The following ADGRB3 variants were observed in gnomAD, a reference collection of about 807,000 sequenced individuals.
ADGRB3 encodes adhesion G protein-coupled receptor B3, also known as brain-specific angiogenesis inhibitor 3.
ADGRB3 carries 37 observed loss-of-function variants against 193.4 expected under a neutral mutation model. The observed-to-expected ratio is 0.19, with a 90% confidence interval of 0.15 to 0.25. The LOEUF (loss-of-function observed/expected upper bound fraction) is 0.25. Ranked by LOEUF, ADGRB3 falls within the 10% of genes least tolerant of loss-of-function variation. ADGRB3 has a pLI of 1.00. For synonymous variants in ADGRB3, 690 were observed against 644.2 expected (o/e 1.07, Z -1.08); for missense variants, 1,637 against 1,852.9 (o/e 0.88, Z 2.14).
At chr6:68,705,275 G>A (rs1375952443) in intron 3 of ADGRB3, among the ~76,000 whole-genome samples, 1 of 152,182 alleles carries the variant, frequency 6.6e-6, no homozygotes, top group Non-Finnish European at 1.5e-5. Flanking sequence ...CTCAAAGAGT[G>A]TAGGGACTGT....
chr6:68,982,165 G>C (rs1768937125), intron 10 of ADGRB3, among the ~76,000 whole-genome samples: 1 of 151,956 alleles, frequency 6.6e-6, no homozygotes. Flanking sequence ...ATAACTCTAA[G>C]ATCTGCATAA....
intron 17 of ADGRB3, among the ~76,000 whole-genome samples, chr6:69,121,254 T>C (rs920325067): frequency 3.3e-5 from 5 of 152,078 alleles, no homozygotes; most frequent in African/African-American, 9.7e-5. Flanking sequence ...AAAGCACATC[T>C]TGCACCGCCC....
chr6:68,790,268 G>T (rs1002526125), intron 3 of ADGRB3, among the ~76,000 whole-genome samples: 1 of 152,130 alleles, frequency 6.6e-6, no homozygotes, highest in African/African-American at 2.4e-5. Flanking sequence ...TGGGGGAGGG[G>T]TGCCCGCCAT....
chr6:68,905,040 T>C (rs1247691577), intron 3 of ADGRB3, among the ~76,000 whole-genome samples: 9 of 152,222 alleles, frequency 5.9e-5, no homozygotes. Context: ...GTGTGTGGAC[T>C]GCCAACTTGG....
At chr6:68,971,392 G>A (rs1188180111) in intron 8 of ADGRB3, among the ~76,000 whole-genome samples, 1 of 152,152 alleles carries the variant, frequency 6.6e-6, no homozygotes, top group Admixed American at 6.5e-5. Flanking sequence ...CCACCCTGCA[G>A]AATCTGTGTG....
chr6:68,840,939 G>C (rs1359428599), intron 3 of ADGRB3, among the ~76,000 whole-genome samples: 1 of 152,070 alleles, frequency 6.6e-6, no homozygotes, highest in Non-Finnish European at 1.5e-5. Context: ...AACCAAAAAT[G>C]AGCAGTAGCT....
chr6:69,342,894 T>A (rs1769005306), intron 26 of ADGRB3, among the ~76,000 whole-genome samples: 3 of 151,954 alleles, frequency 2.0e-5, no homozygotes, highest in Non-Finnish European at 1.5e-5. Flanking sequence ...ATATATTTTT[T>A]AATTTAGAGA....
chr6:68,982,573 T>G (rs1469713150), intron 10 of ADGRB3, among the ~76,000 whole-genome samples: 1 of 152,164 alleles, frequency 6.6e-6, no homozygotes, highest in Non-Finnish European at 1.5e-5. Flanking sequence ...TCAAAATCTA[T>G]CAACTGTCTT....
chr6:68,873,022 G>GT (rs1370669551), intron 3 of ADGRB3, among the ~76,000 whole-genome samples: 1 of 152,076 alleles, frequency 6.6e-6, no homozygotes, highest in Non-Finnish European at 1.5e-5. Context: ...TTAATGTAGA[G>GT]TGGCTACATT....
chr6:69,173,284 C>A (rs1775336004), intron 17 of ADGRB3, among the ~76,000 whole-genome samples: 1 of 152,186 alleles, frequency 6.6e-6, no homozygotes, highest in South Asian at 2.1e-4. Context: ...GTGATCCACC[C>A]ACCTCGGCCT....
chr6:68,987,330 A>C (rs1312525840), intron 10 of ADGRB3, among the ~76,000 whole-genome samples: 1 of 152,132 alleles, frequency 6.6e-6, no homozygotes, highest in Non-Finnish European at 1.5e-5. Flanking sequence ...AATCTTCTAT[A>C]GGTATTGGTA....
chr6:69,268,896 C>G (rs1372677189), intron 20 of ADGRB3, among the ~76,000 whole-genome samples: 1 of 152,062 alleles, frequency 6.6e-6, no homozygotes, highest in Non-Finnish European at 1.5e-5. Flanking sequence ...ATGAGGTGAG[C>G]AGATGATCAA....
At chr6:69,018,540 A>G in intron 13 of ADGRB3, 41 bp downstream of exon 13, 1 of 1,414,500 alleles carries the variant, frequency 7.1e-7, no homozygotes, top group Non-Finnish European at 9.9e-7. Flanking sequence ...TCTGAAATAA[A>G]AAAAAATTGC....
At chr6:69,083,036 C>A (rs1337214821) in intron 17 of ADGRB3, among the ~76,000 whole-genome samples, 1 of 152,110 alleles carries the variant, frequency 6.6e-6, no homozygotes, top group South Asian at 2.1e-4. Context: ...CTAGCTGGAT[C>A]GTTGTCACAT....
At chr6:69,090,859 A>T (rs314191) in intron 17 of ADGRB3, among the ~76,000 whole-genome samples, 152,337 of 152,346 alleles carry the variant, frequency 1, 76,164 homozygotes, top group Non-Finnish European at 1. Flanking sequence ...TAGGGGAAAT[A>T]AGCTTTACAG....
At chr6:69,339,571 A>G in intron 26 of ADGRB3, 67 bp downstream of exon 26, 1 of 1,475,626 alleles carries the variant, frequency 6.8e-7, no homozygotes, top group Non-Finnish European at 9.3e-7. Flanking sequence ...AAAAAGAATG[A>G]TCTTTTAATA....
chr6:69,193,622 G>A (rs1468120397), intron 17 of ADGRB3, among the ~76,000 whole-genome samples: 1 of 151,868 alleles, frequency 6.6e-6, no homozygotes. Context: ...AGCATCATGT[G>A]GTAAAAAGAA....
intron 20 of ADGRB3, among the ~76,000 whole-genome samples, chr6:69,273,881 C>T (rs541326607): frequency 6.6e-6 from 1 of 152,210 alleles, no homozygotes; most frequent in East Asian, 1.9e-4. Context: ...GGGGTAAATT[C>T]TCACCAGTCA....
intron 5 of ADGRB3, among the ~76,000 whole-genome samples, chr6:68,940,128 A>T (rs1204107774): frequency 6.6e-6 from 1 of 152,192 alleles, no homozygotes; most frequent in Non-Finnish European, 1.5e-5. Context: ...TTGCTTTGAC[A>T]TTGTACTCTC....
Sources: gnomAD v4.1 joint callset for allele counts (sites outside exome capture counted in the v4.1 genomes callset) on GRCh38, gnomAD v4.1.1 for gene constraint, MANE v1.5 for transcripts, NCBI Gene and HGNC (gene_info 2026-07-23, HGNC 2026-07-21) for gene names.